Variants in LRRC8D observed in about 807,000 individuals in gnomAD.
The protein encoded by LRRC8D is leucine rich repeat containing 8 VRAC subunit D, also known as volume-regulated anion channel subunit LRRC8D.
A neutral mutation model predicts 55.8 loss-of-function variants in LRRC8D; 20 were observed. That is an observed-to-expected ratio of 0.36 (90% CI 0.25 to 0.52). The LOEUF (loss-of-function observed/expected upper bound fraction) is 0.52, where lower values mean the gene tolerates loss of function less well. LRRC8D is among the 20% of genes least tolerant of loss of function. The pLI is 0.93. For synonymous variants in LRRC8D, 352 were observed against 377.0 expected (o/e 0.93, Z 0.77); for missense variants, 651 against 1,030.8 (o/e 0.63, Z 5.05).
At chr1:89,894,181 A>G (rs1000976797) in intron 2 of LRRC8D, among the ~76,000 whole-genome samples, 2 of 152,228 alleles carry the variant, frequency 1.3e-5, no homozygotes, top group African/African-American at 2.4e-5. Context: ...GCTGTCTGCA[A>G]TCTGGAAGAA....
At chr1:89,887,675 C>T (rs1218549390) in intron 2 of LRRC8D, among the ~76,000 whole-genome samples, 3 of 152,028 alleles carry the variant, frequency 2.0e-5, no homozygotes, top group African/African-American at 7.2e-5. Context: ...TGGTTTGGCC[C>T]ACCTTTCAGC....
At chr1:89,923,850 T>C (rs1397330342) in intron 2 of LRRC8D, among the ~76,000 whole-genome samples, 1 of 152,138 alleles carries the variant, frequency 6.6e-6, no homozygotes, top group Non-Finnish European at 1.5e-5. Flanking sequence ...ATTCAATAAA[T>C]GGTGCTGGAA....
intron 2 of LRRC8D, among the ~76,000 whole-genome samples, chr1:89,886,101 A>T (rs2100863036): frequency 6.6e-6 from 1 of 152,342 alleles, no homozygotes. Flanking sequence ...GTTCCATATT[A>T]TACCTCATCC....
chr1:89,884,466 G>A (rs562160188), intron 2 of LRRC8D, among the ~76,000 whole-genome samples: 1 of 152,282 alleles, frequency 6.6e-6, no homozygotes, highest in South Asian at 2.1e-4. Context: ...ACTAATGAAA[G>A]CAAAGATAAG....
chr1:89,860,807 T>C (rs1290871186), intron 2 of LRRC8D, among the ~76,000 whole-genome samples: 4 of 111,420 alleles, frequency 3.6e-5, no homozygotes, highest in African/African-American at 1.4e-4. Context: ...TATATATATA[T>C]ATACACACAC....
chr1:89,865,408 G>A (rs1027288150), intron 2 of LRRC8D, among the ~76,000 whole-genome samples: 11 of 142,910 alleles, frequency 7.7e-5, no homozygotes, highest in African/African-American at 2.3e-4. Context: ...TTTTAAAATC[G>A]CAAATACAAA....
intron 2 of LRRC8D, among the ~76,000 whole-genome samples, chr1:89,902,013 C>T (rs1222843213): frequency 6.6e-6 from 1 of 152,230 alleles, no homozygotes; most frequent in Non-Finnish European, 1.5e-5. Flanking sequence ...ACACATTTCT[C>T]TATAGCACTT....
intron 2 of LRRC8D, among the ~76,000 whole-genome samples, chr1:89,865,128 C>G (rs1303227297): frequency 6.6e-6 from 1 of 152,060 alleles, no homozygotes; most frequent in Admixed American, 6.6e-5. Context: ...TATCTTGTTT[C>G]CCACTGTATC....
chr1:89,896,547 AG>A (rs1342531264), intron 2 of LRRC8D, among the ~76,000 whole-genome samples: 3 of 152,060 alleles, frequency 2.0e-5, no homozygotes, highest in Non-Finnish European at 4.4e-5. Context: ...AACACAGGTG[AG>A]GGGTGTTCAG....
chr1:89,840,345 T>A (rs191291616), intron 1 of LRRC8D, among the ~76,000 whole-genome samples: 94 of 152,340 alleles, frequency 6.2e-4, no homozygotes, highest in African/African-American at 2.0e-3. Context: ...TGTTCAGGCC[T>A]CATGGTAGTT....
intron 2 of LRRC8D, among the ~76,000 whole-genome samples, chr1:89,905,345 C>T (rs1662962110): frequency 6.6e-6 from 1 of 152,166 alleles, no homozygotes; most frequent in Non-Finnish European, 1.5e-5. Context: ...TGGACTGCCT[C>T]CCAAGACTTT....
At chr1:89,922,261 C>T (rs1272706977) in intron 2 of LRRC8D, among the ~76,000 whole-genome samples, 2 of 151,574 alleles carry the variant, frequency 1.3e-5, no homozygotes, top group Non-Finnish European at 2.9e-5. Context: ...GACCGGGTTT[C>T]ATCATGTTGG....
chr1:89,929,747 T>G (rs1663652919), intron 2 of LRRC8D: 1 of 152,232 alleles, frequency 6.6e-6, no homozygotes, highest in Admixed American at 6.5e-5. Flanking sequence ...ATGTATGTAT[T>G]CATATGGAAA....
intron 2 of LRRC8D, among the ~76,000 whole-genome samples, chr1:89,877,539 C>T (rs1662177665): frequency 6.6e-6 from 1 of 152,132 alleles, no homozygotes; most frequent in Non-Finnish European, 1.5e-5. Context: ...TTGCCCCACT[C>T]CCCCTTTTCT....
At chr1:89,840,344 C>G (rs998145636) in intron 1 of LRRC8D, among the ~76,000 whole-genome samples, 3 of 152,128 alleles carry the variant, frequency 2.0e-5, no homozygotes, top group African/African-American at 7.2e-5. Context: ...GTGTTCAGGC[C>G]TCATGGTAGT....
intron 2 of LRRC8D, among the ~76,000 whole-genome samples, chr1:89,877,728 A>G (rs1386142770): frequency 6.6e-6 from 1 of 152,296 alleles, no homozygotes; most frequent in East Asian, 1.9e-4. Flanking sequence ...CGTGACATAC[A>G]TGGTATGGTA....
At chr1:89,830,152 T>A (rs1660853079) in intron 1 of LRRC8D, among the ~76,000 whole-genome samples, 1 of 152,246 alleles carries the variant, frequency 6.6e-6, no homozygotes, top group African/African-American at 2.4e-5. Context: ...GCCTTTATTT[T>A]TTAAATACAA....
chr1:89,843,834 C>A, intron 2 of LRRC8D, 52 bp downstream of exon 2: 2 of 615,016 alleles, frequency 3.3e-6, no homozygotes, highest in Admixed American at 2.4e-5. Flanking sequence ...GTCTGCGGCA[C>A]GGAGCACTGC....
intron 2 of LRRC8D, among the ~76,000 whole-genome samples, chr1:89,845,305 A>G (rs1420406948): frequency 6.6e-6 from 1 of 152,236 alleles, no homozygotes; most frequent in Non-Finnish European, 1.5e-5. Context: ...AAAATGCACT[A>G]TGAAAACTGA....
Sources: gnomAD v4.1 joint callset for allele counts (sites outside exome capture counted in the v4.1 genomes callset) on GRCh38, gnomAD v4.1.1 for gene constraint, MANE v1.5 for transcripts, NCBI Gene and HGNC (gene_info 2026-07-23, HGNC 2026-07-21) for gene names.